PRMT1: variants seen among roughly 807,000 people sequenced by gnomAD.
The protein encoded by PRMT1 is protein arginine N-methyltransferase 1.
A neutral mutation model predicts 47.4 loss-of-function variants in PRMT1; 5 were observed. The observed-to-expected ratio is 0.11, with a 90% confidence interval of 0.06 to 0.22. The LOEUF is 0.22. Among genes scored for constraint, PRMT1 ranks in the 10% least tolerant of loss-of-function variants. The probability of loss-of-function intolerance (pLI) is 1.00; values close to 1 mark genes in which losing one functional copy is unlikely to be tolerated. For synonymous variants in PRMT1, 227 were observed against 204.6 expected (o/e 1.11, Z -0.94); for missense variants, 249 against 518.4 (o/e 0.48, Z 5.05).
chr19:49,684,670 G>GGGCAGGAGGCCACATCTTAGA lies in PRMT1; in HGVS notation c.556-66_556-65insAGAGGCAGGAGGCCACATCTT. Reference sequence around the variant, plus strand: ...TGCGACATGAGGGTGGCCCAGACCAGGGCAGGAGGCCACATCTTGGAGGCA... The same window carrying GGGCAGGAGGCCACATCTTAGA: ...TGCGACATGAGGGTGGCCCAGACCAGGGCAGGAGGCCACATCTTAGAGGCAGGAGGCCACATCTTGGAGGCA... On this transcript the variant is annotated intron_variant, in intron 6 of 10. Coordinates refer to ENST00000454376, the MANE Select transcript of PRMT1 (RefSeq NM_001536.6). The surrounding 1 kb of genome is among the most constrained non-coding windows in gnomAD (Gnocchi z 6.2). 7.0e-7 allele frequency: 1 copy of GGGCAGGAGGCCACATCTTAGA among 1,429,886 alleles called. No individual in the cohort carries two copies. The highest frequency in any genetic ancestry group is 1.2e-5 in the South Asian group (1 of 81,434). The allele number at this position is 1,429,886 out of a possible 1,614,324, so 88.6% of individuals were successfully genotyped here.
In PRMT1 at chr19:49,686,624, G is replaced by T; in HGVS notation, c.930G>T (p.Thr310=). 6.2e-7 allele frequency: 1 copy of T among 1,611,596 alleles called. No homozygotes were observed. The highest frequency in any genetic ancestry group is 8.5e-7 in the Non-Finnish European group (1 of 1,179,576). Residue 310 remains threonine, a synonymous_variant, in exon 10 of 11, where the codon ACG becomes ACT. Transcript: ENST00000454376. ...CCCCAGGCCCCGAGTCCCCGTACAC[G>T]CACTGGAAGCAGACGGTGTTCTACA... ...GFSTSPESPY[T]HWKQTVFYME... is the part of the protein sequence containing the mutation.
chr19:49,684,089 G>A lies in PRMT1; in HGVS notation c.555+20G>A. On this transcript the variant is annotated intron_variant, in intron 6 of 10. Coordinates refer to ENST00000454376, the MANE Select transcript of PRMT1 (RefSeq NM_001536.6). The surrounding 1 kb of genome is among the most constrained non-coding windows in gnomAD (Gnocchi z 6.2). ...TGGCTGGTGAGGCCCCAGCGGGACG[G>A]GTGCAGCTCGCGTGGGCTGGGGTCC... 1 of 1,613,078 alleles carries A rather than the reference G, an allele frequency of 6.2e-7. No homozygotes were observed. The highest frequency in any genetic ancestry group is 8.5e-7 in the Non-Finnish European group (1 of 1,179,178).
chr19:49,684,532 G>A lies in PRMT1; in HGVS notation c.556-222G>A, dbSNP rs1310112861. Among the ~76,000 whole-genome samples, 1 of 152,214 alleles carries A rather than the reference G, an allele frequency of 6.6e-6. No homozygotes were observed. The highest frequency in any genetic ancestry group is 1.9e-4 in the East Asian group (1 of 5,192). On this transcript the variant is annotated intron_variant, in intron 6 of 10. Transcript: ENST00000454376. The surrounding 1 kb of genome is among the most constrained non-coding windows in gnomAD (Gnocchi z 6.2). Reference sequence around the variant, plus strand: ...TGCTTTTCCTCTCAGAGCAGCTAGGGAGGGTCTGAGGATCCCCAGAACCTC... The same window carrying A: ...TGCTTTTCCTCTCAGAGCAGCTAGGAAGGGTCTGAGGATCCCCAGAACCTC...
chr19:49,685,350 C>T lies in PRMT1; in HGVS notation c.759+313C>T, dbSNP rs976628136. On this transcript the variant is annotated intron_variant, in intron 8 of 10. Transcript: ENST00000454376. The surrounding 1 kb of genome is among the most constrained non-coding windows in gnomAD (Gnocchi z 4.7). ...GGCGATGAGCGGATGCACATGCACG[C>T]GGGCCACTGCAGAAGAGCACGGGGC... is the stretch of plus-strand genomic sequence containing the variant. 1.3e-5 allele frequency: 17 copies of T among 1,290,978 alleles called. No individual in the cohort carries two copies. Among genetic ancestry groups the T allele is most frequent in the African/African-American group, 9.1e-5 (6 of 66,258 alleles). The allele number at this position is 1,290,978 out of a possible 1,614,324, so 80.0% of individuals were successfully genotyped here. A position where few individuals can be genotyped will look rare whatever the true frequency, so the allele number is the denominator to read the frequency against.
At chr19:49,676,707 A>T (rs1276432528), upstream of PRMT1, among the ~76,000 whole-genome samples, 1 of 151,950 alleles carries the variant, frequency 6.6e-6, no homozygotes. Context: ...CACCGAGTGG[A>T]CGAGGAGTGA....
At position 49,683,932 on chromosome 19, in the gene PRMT1, A is replaced by G. The variant is rs1254366776; in HGVS notation, c.418A>G (p.Thr140Ala). The change falls in exon 6 of 11, where the codon ACC (threonine) becomes GCC (alanine). Residue 140 changes from threonine (T) to alanine (A), a missense_variant. Physicochemically the swap from Thr to Ala is moderately conservative, Grantham distance 58. Coordinates refer to ENST00000454376, the MANE Select transcript of PRMT1 (RefSeq NM_001536.6). ...VKANKLDHVVTIIKGKVEEVE... is the reference protein window; with the variant it reads ...VKANKLDHVVAIIKGKVEEVE... ...CCACCCTTGTCCGCCCGCAGTGGTG[A>G]CCATCATCAAGGGGAAGGTGGAGGA... 2.0e-5 allele frequency: 32 copies of G among 1,612,956 alleles called. No homozygotes were observed. The highest frequency in any genetic ancestry group is 2.5e-5 in the Non-Finnish European group (30 of 1,179,604).
At chr19:49,683,744 C>G (rs958929423) in intron 5 of PRMT1, 183 bp from the exon 6 acceptor site, 10 of 552,366 alleles carry the variant, frequency 1.8e-5, no homozygotes, top group Non-Finnish European at 3.2e-5. Flanking sequence ...CATAAAATTT[C>G]TGCTCCTGCC....
rs192230368 is a variant in PRMT1 at position 49,685,221 on chromosome 19, G to A, written c.759+184G>A. On this transcript the variant is annotated intron_variant, in intron 8 of 10. Coordinates refer to ENST00000454376, the MANE Select transcript of PRMT1 (RefSeq NM_001536.6). This position sits in a 1 kb window ranked among gnomAD's most constrained non-coding sequence, Gnocchi z 4.7. ...TCGTCCTTTAAATATCTTTGTGAGC[G>A]CTGCTGTGTGAGAACCATGCTTGGC... 4,654 of 1,520,458 alleles carry A rather than the reference G, an allele frequency of 3.1e-3. 71 individuals are homozygous for A. The highest frequency in any genetic ancestry group is 1.8e-3 in the Non-Finnish European group (2,039 of 1,138,008). 94.2% of individuals were successfully genotyped at this position (1,520,458 alleles called of 1,614,324 possible).
chr19:49,680,300 T>C lies in PRMT1; in HGVS notation c.91-187T>C, dbSNP rs1468687929. The C allele has an allele frequency of 7.2e-7, 1 of 1,379,566 alleles. No individual in the cohort carries two copies. Among genetic ancestry groups the C allele is most frequent in the African/African-American group, 1.4e-5 (1 of 69,122 alleles). 85.5% of individuals were successfully genotyped at this position (1,379,566 alleles called of 1,614,324 possible). A position where few individuals can be genotyped will look rare whatever the true frequency, so the allele number is the denominator to read the frequency against. ...TGGTGCTCTGGGGGGGTCCTGGAAG[T>C]GGAAAATGGGGTTGTTAGGTTTTGG... is the stretch of plus-strand genomic sequence containing the variant. On this transcript the variant is annotated intron_variant, in intron 2 of 10. Coordinates refer to ENST00000454376, the MANE Select transcript of PRMT1 (RefSeq NM_001536.6). This position sits in a 1 kb window ranked among gnomAD's most constrained non-coding sequence, Gnocchi z 4.2.
intron 8 of PRMT1, 58 bp from the exon 9 acceptor site, chr19:49,686,035 G>A (rs554447864): frequency 1.9e-6 from 3 of 1,572,370 alleles, no homozygotes; most frequent in South Asian, 1.2e-5. Flanking sequence ...AAGGGAGGGA[G>A]GAGGGGATGA....
chr19:49,681,793 G>C lies in PRMT1; in HGVS notation c.193-117G>C, dbSNP rs978815049. The C allele has an allele frequency of 2.7e-6, 2 of 730,994 alleles. No individual in the cohort carries two copies. Among genetic ancestry groups the C allele is most frequent in the African/African-American group, 3.7e-5 (2 of 54,736 alleles). The allele number at this position is 730,994 out of a possible 1,614,324, so 45.3% of individuals were successfully genotyped here. On this transcript the variant is annotated intron_variant, in intron 3 of 10. Coordinates refer to ENST00000454376, the MANE Select transcript of PRMT1 (RefSeq NM_001536.6). This position sits in a 1 kb window ranked among gnomAD's most constrained non-coding sequence, Gnocchi z 4.4. ...TGAATAAATATAAAAGGGAAACTGA[G>C]GTGCATGGAAGAAAGCGAGAGGGCC...
At chr19:49,677,179 C>T, upstream of PRMT1, 4 of 1,165,042 alleles carry the variant, frequency 3.4e-6, no homozygotes, top group Non-Finnish European at 4.5e-6. Flanking sequence ...CCAGCGGGGT[C>T]GCGGTAGGCG....
In PRMT1 at chr19:49,680,164, G is replaced by GC; in HGVS notation, c.90+244dup. The GC allele has an allele frequency of 1.3e-6, 2 of 1,555,336 alleles. No homozygotes were observed. Among genetic ancestry groups the GC allele is most frequent in the Non-Finnish European group, 1.8e-6 (2 of 1,141,284 alleles). Reference sequence around the variant, plus strand: ...CCCCCCTTTGCCCTTCCCTGTGTCTGCCCCCATTTTCCTTCCCCTCCCCTC... The same window carrying GC: ...CCCCCCTTTGCCCTTCCCTGTGTCTGCCCCCCATTTTCCTTCCCCTCCCCTC... On this transcript the variant is annotated intron_variant, in intron 2 of 10. Coordinates refer to ENST00000454376, the MANE Select transcript of PRMT1 (RefSeq NM_001536.6). The surrounding 1 kb of genome is among the most constrained non-coding windows in gnomAD (Gnocchi z 4.2).
chr19:49,686,952 G>A (rs186151532), intron 10 of PRMT1, among the ~76,000 whole-genome samples: 3 of 152,234 alleles, frequency 2.0e-5, no homozygotes, highest in Non-Finnish European at 4.4e-5. Flanking sequence ...AGCATTCACC[G>A]GAAGTTATGG....
chr19:49,684,516 TCTCAGAG>T lies in PRMT1; in HGVS notation c.556-236_556-230del, dbSNP rs1240534122. Among the ~76,000 whole-genome samples, 1 of 152,096 alleles carries T rather than the reference TCTCAGAG, an allele frequency of 6.6e-6. No individual in the cohort carries two copies. Among genetic ancestry groups the T allele is most frequent in the Non-Finnish European group, 1.5e-5 (1 of 67,984 alleles). ...GGCTTATGGGACCCCGTGCTTTTCC[TCTCAGAG>T]CAGCTAGGGAGGGTCTGAGGATCCC... On this transcript the variant is annotated intron_variant, in intron 6 of 10. Coordinates refer to ENST00000454376, the MANE Select transcript of PRMT1 (RefSeq NM_001536.6). The surrounding 1 kb of genome is among the most constrained non-coding windows in gnomAD (Gnocchi z 6.2).
At chr19:49,683,858 C>G in intron 5 of PRMT1, 69 bp from the exon 6 acceptor site, 1 of 1,548,620 alleles carries the variant, frequency 6.5e-7, no homozygotes, top group Non-Finnish European at 8.8e-7. Context: ...CAGGCTCTAG[C>G]CCCCGGGGGA....
rs2082106753 is a variant in PRMT1, at chr19:49,680,783, A to C, written c.192+195A>C. 6.6e-6 allele frequency among the ~76,000 whole-genome samples: 1 copy of C among 152,216 alleles called. No individual in the cohort carries two copies. Among genetic ancestry groups the C allele is most frequent in the Admixed American group, 6.5e-5 (1 of 15,294 alleles). ...GACCGAGGTTAGCCTGAATCTCTGC[A>C]GGGGCCTCGCGCCGAAGGCTGGGGT... On this transcript the variant is annotated intron_variant, in intron 3 of 10. Coordinates refer to ENST00000454376, the MANE Select transcript of PRMT1 (RefSeq NM_001536.6). The surrounding 1 kb of genome is among the most constrained non-coding windows in gnomAD (Gnocchi z 4.2).
Position 49,685,084 on chromosome 19 carries a change from A to G in PRMT1, c.759+47A>G, listed in dbSNP as rs2082185000. ...GGTGCCCCCTGGGTTGAAACCAAAG[A>G]GAGGCCATCACCTGGCCCTGGCATG... is the stretch of plus-strand genomic sequence containing the variant. On this transcript the variant is annotated intron_variant, in intron 8 of 10. Transcript: ENST00000454376. This position sits in a 1 kb window ranked among gnomAD's most constrained non-coding sequence, Gnocchi z 4.7. The G allele has an allele frequency of 1.2e-6, 2 of 1,612,842 alleles. No homozygotes were observed. The highest frequency in any genetic ancestry group is 1.1e-5 in the South Asian group (1 of 90,950).
chr19:49,679,893 A>C lies in PRMT1; in HGVS notation c.58A>C (p.Asn20His). 4.3e-6 allele frequency: 7 copies of C among 1,613,072 alleles called. No homozygotes were observed. Among genetic ancestry groups the C allele is most frequent in the Non-Finnish European group, 5.9e-6 (7 of 1,179,314 alleles). ...CTAGAATTTTGTAGCCACCTTGGCT[A>C]ATGGGATGAGCCTCCAGCCGCCTCT... ...IMENFVATLA[N>H]GMSLQPPLEE... The change falls in exon 2 of 11, where the codon AAT becomes CAT. Residue 20 changes from asparagine (N) to histidine (H), a missense_variant. Physicochemically the swap from Asn to His is moderately conservative, Grantham distance 68. Coordinates refer to ENST00000454376, the MANE Select transcript of PRMT1 (RefSeq NM_001536.6).
Sources: allele counts gnomAD v4.1 joint callset (sites outside exome capture counted in the v4.1 genomes callset), GRCh38; gene constraint gnomAD v4.1.1; non-coding constraint Gnocchi (gnomAD v3.1); transcripts MANE v1.5; gene names NCBI Gene and HGNC (gene_info 2026-07-23, HGNC 2026-07-21).